The following DDX11 variants were observed in gnomAD, a reference collection of about 807,000 sequenced individuals.
DDX11 encodes DEAD/H-box helicase 11.
Under a neutral mutation model 125.2 loss-of-function variants are expected in DDX11, and 72 were observed. The ratio of observed to expected loss-of-function variants is 0.58; its 90% CI spans 0.48 to 0.70. The LOEUF is 0.70. Among genes scored for constraint, DDX11 ranks in the 30% least tolerant of loss-of-function variants. The pLI is 0.00. For missense variants in DDX11, 883 were observed against 1,165.0 expected, an observed-to-expected ratio of 0.76 and a Z score of 3.52; for synonymous variants, 347 against 452.6, an observed-to-expected ratio of 0.77 and a Z score of 2.96.
Position 31,089,395 on chromosome 12 carries a change from T to C in DDX11, c.793-8T>C, listed in dbSNP as rs766368527. 17 of 1,613,856 alleles carry C rather than the reference T, an allele frequency of 1.1e-5. No individual in the cohort carries two copies. Among genetic ancestry groups the C allele is most frequent in the Non-Finnish European group, 1.4e-5 (16 of 1,179,848 alleles). On this transcript the variant is annotated splice_region_variant and splice_polypyrimidine_tract_variant and intron_variant, in intron 7 of 26. Coordinates refer to ENST00000542838, the MANE Select transcript of DDX11 (RefSeq NM_030653.4). ...TCTTTTTGCCTCTTTCTTTCTCCTT[T>C]GCTGCAGAACCTTTGTGTAAATGAA...
In DDX11 at chr12:31,089,451, A is replaced by G. The variant is rs2140705538; in HGVS notation, c.841A>G (p.Ile281Val). The G allele has an allele frequency of 2.5e-6, 4 of 1,613,976 alleles. No individual in the cohort carries two copies. The highest frequency in any genetic ancestry group is 3.3e-4 in the Middle Eastern group (2 of 6,056). Residue 281 changes from isoleucine to valine, a missense_variant, in exon 8 of 27, where the codon ATC (isoleucine) becomes GTC (valine). Physicochemically the swap from Ile to Val is conservative, Grantham distance 29 (BLOSUM62 3). Coordinates refer to ENST00000542838, the MANE Select transcript of DDX11 (RefSeq NM_030653.4). ...GAAAAGCCTAGGTTCTGTGCAGCTTATCAACGACCGCTGTGTGGACATGCA... is the reference window on the plus strand; with the variant it reads ...GAAAAGCCTAGGTTCTGTGCAGCTTGTCAACGACCGCTGTGTGGACATGCA... The part of the protein sequence containing the change: ...DVKSLGSVQL[I>V]NDRCVDMQRS...
chr12:31,086,012 A>G (rs2536767), intron 5 of DDX11: 191,226 of 438,182 alleles, frequency 0.44, 47,649 homozygotes, highest in East Asian at 0.82. Flanking sequence ...CGGCCTTCAC[A>G]GTCTGTCTGC....
intron 18 of DDX11, among the ~76,000 whole-genome samples, chr12:31,099,084 C>CTTTTTTTTTTTTTTTTTTTTTTT (rs763612105): frequency 8.2e-4 from 52 of 63,712 alleles, no homozygotes; most frequent in Middle Eastern, 0.011. Context: ...TTCTTTCTTT[C>CTTTTTTTTTTTTTTTTTTTTTTT]TTTTTTTTTT....
intron 1 of DDX11, among the ~76,000 whole-genome samples, chr12:31,076,160 A>G (rs938298926): frequency 6.6e-6 from 1 of 152,196 alleles, no homozygotes; most frequent in Non-Finnish European, 1.5e-5. Flanking sequence ...ACGAGGAGAC[A>G]TGAAGACTTT....
chr12:31,091,432 G>A (rs1366632310), intron 9 of DDX11: 52 of 390,176 alleles, frequency 1.3e-4, no homozygotes, highest in South Asian at 4.5e-4. Context: ...GGGGGCCTCC[G>A]GGGCGACCTT....
chr12:31,097,449 G>T lies in DDX11; in HGVS notation c.1763-436G>T, dbSNP rs912473972. On this transcript the variant is annotated intron_variant, in intron 17 of 26. Transcript: ENST00000542838. ...AATCCCAGCACTTTGGGAGGCTGAG[G>T]GGGGGCGGATCGTGAGTTCAGGAGA... Among the ~76,000 whole-genome samples, 3 of 35,086 alleles carry T rather than the reference G, an allele frequency of 8.6e-5. No individual in the cohort carries two copies. The East Asian group carries it at 0.017, about 195-fold the overall frequency. The allele number at this position is 35,086 out of a possible 152,430, so 23.0% of individuals were successfully genotyped here.
Position 31,097,984 on chromosome 12 carries a change from G to A in DDX11, c.1862G>A (p.Gly621Asp), listed in dbSNP as rs1267788617. The change falls in exon 18 of 27, where the codon GGT (glycine) becomes GAT (aspartate). Residue 621 changes from glycine (G) to aspartate (D), a missense_variant. This residue lies in a region of DDX11 where 241 missense variants were observed against 279.7 expected (regional missense o/e 0.86). Coordinates refer to ENST00000542838, the MANE Select transcript of DDX11 (RefSeq NM_030653.4). ...TGCCGGGCAGTGGTCATTGCGGGGGGTACCATGCAGCCGGTAAGGACACCT... is the reference window on the plus strand; with the variant it reads ...TGCCGGGCAGTGGTCATTGCGGGGGATACCATGCAGCCGGTAAGGACACCT... ...KECRAVVIAG[G>D]TMQPVSDFRQ... The A allele has an allele frequency of 6.2e-7, 1 of 1,613,586 alleles. No individual in the cohort carries two copies. The highest frequency in any genetic ancestry group is 8.5e-7 in the Non-Finnish European group (1 of 1,179,624).
At chr12:31,078,270 A>T (rs1307353895) in intron 1 of DDX11, 120 bp from the exon 2 acceptor site, 7 of 1,600,420 alleles carry the variant, frequency 4.4e-6, no homozygotes, top group Non-Finnish European at 6.0e-6. Context: ...TCTGCTTCCC[A>T]GAAAAAAGGA....
rs1467965765 is a variant in DDX11 at position 31,099,080 on chromosome 12, C to CTTTTTTTTTTTTTTTTTTT, written c.1875+1086_1875+1087insTTTTTTTTTTTTTTTTTTT. 3.7e-3 allele frequency among the ~76,000 whole-genome samples: 298 copies of CTTTTTTTTTTTTTTTTTTT among 81,196 alleles called. 40 individuals carry two copies. Among genetic ancestry groups the CTTTTTTTTTTTTTTTTTTT allele is most frequent in the African/African-American group, 4.9e-3 (77 of 15,836 alleles). The allele number at this position is 81,196 out of a possible 152,430, so 53.3% of individuals were successfully genotyped here. A position where few individuals can be genotyped will look rare whatever the true frequency, so the allele number is the denominator to read the frequency against. On this transcript the variant is annotated intron_variant, in intron 18 of 26. Transcript: ENST00000542838. ...AATCCATACTGGTATTTCTTTCTTT[C>CTTTTTTTTTTTTTTTTTTT]TTTCTTTTTTTTTTTTTTTTTTTTT...
chr12:31,081,394 C>G (rs1392545598), intron 2 of DDX11, among the ~76,000 whole-genome samples: 4 of 152,190 alleles, frequency 2.6e-5, no homozygotes, highest in Non-Finnish European at 4.4e-5. Context: ...GCACAGGTGC[C>G]CCACCTTAGC....
At chr12:31,089,680 G>T (rs1183041644) in intron 8 of DDX11, 190 bp downstream of exon 8, 7 of 1,174,438 alleles carry the variant, frequency 6.0e-6, no homozygotes, top group South Asian at 1.3e-5. Context: ...CGAATCCTTG[G>T]CTTGGAGATG....
chr12:31,079,458 G>A (rs1484472640), intron 2 of DDX11, among the ~76,000 whole-genome samples: 2 of 138,184 alleles, frequency 1.4e-5, no homozygotes, highest in Non-Finnish European at 3.1e-5. Flanking sequence ...CTGGGGAGGG[G>A]GTCTCTTCCT....
chr12:31,092,644 ACTTCCCTTC>A (rs1375241522), intron 10 of DDX11, among the ~76,000 whole-genome samples, 193 bp from the exon 11 acceptor site: 1 of 151,916 alleles, frequency 6.6e-6, no homozygotes, highest in Non-Finnish European at 1.5e-5. Context: ...CTGGAGGAAA[ACTTCCCTTC>A]CTTCCCTTTT....
intron 2 of DDX11, among the ~76,000 whole-genome samples, chr12:31,078,741 G>T (rs1466620461): frequency 2.0e-5 from 3 of 149,586 alleles, no homozygotes; most frequent in East Asian, 2.0e-4. Context: ...AGGCCAGAGT[G>T]CAGTGGGACG....
chr12:31,084,038 A>C lies in DDX11; in HGVS notation c.370A>C (p.Arg124=). 2 of 1,613,894 alleles carry C rather than the reference A, an allele frequency of 1.2e-6. No individual in the cohort carries two copies. Among genetic ancestry groups the C allele is most frequent in the South Asian group, 2.2e-5 (2 of 91,052 alleles). The change falls in exon 3 of 27, where the codon AGG becomes CGG. Residue 124 remains arginine (R), a synonymous_variant. Transcript: ENST00000542838. ...TCAGTTTGTGCAGAAGAAAGAAGAG[A>C]GGGACCTGGTGGACCGACTAAAGGT... ...VTQFVQKKEE[R]DLVDRLKAEQ... is the part of the protein sequence containing the mutation.
Position 31,104,311 on chromosome 12 carries a change from G to A in DDX11, c.*475G>A. Reference sequence around the variant, plus strand: ...CAATTTAAAATGATCCATGGCCACAGGGCTCCTGCCCAGGGGCTTGTCACC... The same window carrying A: ...CAATTTAAAATGATCCATGGCCACAAGGCTCCTGCCCAGGGGCTTGTCACC... On this transcript the variant is annotated 3_prime_UTR_variant, in exon 27 of 27. Transcript: ENST00000542838. The A allele has an allele frequency of 2.2e-6, 1 of 460,570 alleles. No homozygotes were observed. Among genetic ancestry groups the A allele is most frequent in the South Asian group, 2.8e-5 (1 of 36,104 alleles). 28.5% of individuals were successfully genotyped at this position (460,570 alleles called of 1,614,324 possible). A position where few individuals can be genotyped will look rare whatever the true frequency, so the allele number is the denominator to read the frequency against.
intron 14 of DDX11, among the ~76,000 whole-genome samples, chr12:31,096,135 C>T (rs1278437240): frequency 6.6e-6 from 1 of 151,988 alleles, no homozygotes; most frequent in Non-Finnish European, 1.5e-5. Flanking sequence ...CTGAGGAGGA[C>T]ACTGCGTTGT....
At chr12:31,077,528 G>C (rs1940903191) in intron 1 of DDX11, among the ~76,000 whole-genome samples, 2 of 151,958 alleles carry the variant, frequency 1.3e-5, no homozygotes, top group South Asian at 2.1e-4. Flanking sequence ...GATGAACTAA[G>C]AAGCAAACTA....
At chr12:31,078,092 T>C (rs1230688623) in intron 1 of DDX11, 2 of 797,928 alleles carry the variant, frequency 2.5e-6, no homozygotes, top group African/African-American at 3.5e-5. Context: ...AAGCCTTTTG[T>C]AGAGGCATTA....
Sources: allele counts gnomAD v4.1 joint callset (sites outside exome capture counted in the v4.1 genomes callset), GRCh38; gene constraint gnomAD v4.1.1; regional missense constraint gnomAD v4.1.1; transcripts MANE v1.5; gene names NCBI Gene and HGNC (gene_info 2026-07-23, HGNC 2026-07-21).